TBC1D5: variants seen among roughly 807,000 people sequenced by gnomAD.
The protein encoded by TBC1D5 is TBC1 domain family, member 5.
In TBC1D5, 75 loss-of-function variants were observed where a neutral mutation model predicts 100.3. The observed-to-expected ratio is 0.75, with a 90% CI of 0.62 to 0.91. TBC1D5 has a LOEUF of 0.91. Among genes scored for constraint, TBC1D5 ranks in the 40% least tolerant of loss-of-function variants. TBC1D5 has a pLI of 0.00. For synonymous variants in TBC1D5, 323 were observed against 325.6 expected (o/e 0.99, Z 0.09); for missense variants, 910 against 942.4 (o/e 0.97, Z 0.45).
At chr3:17,711,721 A>G (rs1184455642) in intron 1 of TBC1D5, among the ~76,000 whole-genome samples, 1 of 152,228 alleles carries the variant, frequency 6.6e-6, no homozygotes, top group Non-Finnish European at 1.5e-5. Flanking sequence ...GCACTGCTAT[A>G]TAACATTGCA....
chr3:17,200,632 T>C lies in TBC1D5; in HGVS notation c.1752+13575A>G, dbSNP rs529027581. ...AAGAGGTTGGGGACTGCTGCTATAG[T>C]TGGTAACAATTCTAAGGGAAATTGT... On this transcript the variant is annotated intron_variant, in intron 18 of 21. Coordinates refer to ENST00000253692, the Ensembl canonical transcript of TBC1D5. 3.4e-3 allele frequency among the ~76,000 whole-genome samples: 520 copies of C among 152,350 alleles called. 4 individuals are homozygous for C. Among genetic ancestry groups the C allele is most frequent in the African/African-American group, 0.011 (472 of 41,588 alleles).
intron 2 of TBC1D5, among the ~76,000 whole-genome samples, chr3:17,509,825 A>G (rs115745784): frequency 0.011 from 1,702 of 152,166 alleles, 31 homozygotes; most frequent in African/African-American, 0.038. Flanking sequence ...GTTTTTATAA[A>G]TAACTACCTA....
intron 1 of TBC1D5, among the ~76,000 whole-genome samples, chr3:17,626,045 A>T (rs929631193): frequency 6.6e-6 from 1 of 152,170 alleles, no homozygotes; most frequent in Admixed American, 6.5e-5. Flanking sequence ...CCAGATATAT[A>T]GCATTATGTG....
chr3:17,696,314 G>A (rs778043221), intron 1 of TBC1D5, among the ~76,000 whole-genome samples: 2 of 152,040 alleles, frequency 1.3e-5, no homozygotes, highest in Non-Finnish European at 2.9e-5. Context: ...TCCAAGAGCT[G>A]GTTTTTTGAA....
intron 3 of TBC1D5, among the ~76,000 whole-genome samples, chr3:17,495,028 C>T (rs981295838): frequency 1.3e-5 from 2 of 152,226 alleles, no homozygotes; most frequent in African/African-American, 2.4e-5. Flanking sequence ...CCCCTTGCCC[C>T]GTGCGGCTCC....
intron 8 of TBC1D5, among the ~76,000 whole-genome samples, chr3:17,386,817 T>C (rs929062777): frequency 6.6e-6 from 1 of 152,100 alleles, no homozygotes; most frequent in South Asian, 2.1e-4. Context: ...TCGGCTGAAG[T>C]TTTTCTTTTA....
At chr3:17,573,931 T>C (rs910706144) in intron 2 of TBC1D5, among the ~76,000 whole-genome samples, 1 of 152,060 alleles carries the variant, frequency 6.6e-6, no homozygotes, top group Admixed American at 6.6e-5. Context: ...TTTAACTCTG[T>C]TGATCCAGTA....
intron 18 of TBC1D5, among the ~76,000 whole-genome samples, chr3:17,208,991 A>G (rs2072600905): frequency 6.6e-6 from 1 of 152,232 alleles, no homozygotes; most frequent in South Asian, 2.1e-4. Flanking sequence ...ATAGAGTGAA[A>G]TGGTCAATAC....
intron 4 of TBC1D5, 54 bp from the exon 5 acceptor site, chr3:17,406,580 G>A (rs777228995): frequency 1.6e-5 from 24 of 1,497,410 alleles, no homozygotes; most frequent in Non-Finnish European, 2.1e-5. Context: ...TCCTCTGCTT[G>A]GAGAGAAGTT....
At chr3:17,441,253 T>C (rs1269565123) in intron 3 of TBC1D5, among the ~76,000 whole-genome samples, 3 of 152,188 alleles carry the variant, frequency 2.0e-5, no homozygotes. Flanking sequence ...AGAAGTATTA[T>C]AGTGAACTAT....
At chr3:17,615,308 GCATC>G (rs1025555105) in intron 2 of TBC1D5, among the ~76,000 whole-genome samples, 1 of 152,128 alleles carries the variant, frequency 6.6e-6, no homozygotes, top group Non-Finnish European at 1.5e-5. Context: ...GAGGATTTTT[GCATC>G]GATGATCATC....
intron 1 of TBC1D5, among the ~76,000 whole-genome samples, chr3:17,703,742 A>C (rs1007785064): frequency 1.3e-5 from 2 of 152,140 alleles, no homozygotes; most frequent in Non-Finnish European, 2.9e-5. Flanking sequence ...CAATGACCTC[A>C]TACATATGAG....
chr3:17,419,626 A>T (rs2094161532), intron 4 of TBC1D5, among the ~76,000 whole-genome samples: 1 of 151,994 alleles, frequency 6.6e-6, no homozygotes, highest in Admixed American at 6.6e-5. Flanking sequence ...TTTCCTCCTA[A>T]CACCCACCAT....
intron 3 of TBC1D5, among the ~76,000 whole-genome samples, chr3:17,456,284 C>G (rs1463113126): frequency 6.6e-6 from 1 of 151,996 alleles, no homozygotes; most frequent in African/African-American, 2.4e-5. Flanking sequence ...GCAATCAAAC[C>G]AAAAATTGAC....
chr3:17,556,033 T>G (rs978255819), intron 2 of TBC1D5, among the ~76,000 whole-genome samples: 1 of 152,160 alleles, frequency 6.6e-6, no homozygotes, highest in Non-Finnish European at 1.5e-5. Context: ...TAGTTTGGTT[T>G]TTTTTTTGAG....
At chr3:17,512,311 T>G (rs966191297) in intron 2 of TBC1D5, among the ~76,000 whole-genome samples, 3 of 152,094 alleles carry the variant, frequency 2.0e-5, no homozygotes, top group Non-Finnish European at 4.4e-5. Context: ...AGAGATTTTA[T>G]TTAGTCTAAA....
chr3:17,665,954 A>G (rs2067213692), intron 1 of TBC1D5, among the ~76,000 whole-genome samples: 1 of 152,136 alleles, frequency 6.6e-6, no homozygotes, highest in Non-Finnish European at 1.5e-5. Flanking sequence ...TCCAACTAGA[A>G]AAGTTTCCAA....
chr3:17,241,161 C>T (rs1472192898), intron 16 of TBC1D5, among the ~76,000 whole-genome samples: 1 of 152,052 alleles, frequency 6.6e-6, no homozygotes, highest in East Asian at 1.9e-4. Flanking sequence ...CTGTCCAGAG[C>T]TTGTCTGTTT....
At chr3:17,590,154 G>A (rs572924926) in intron 2 of TBC1D5, among the ~76,000 whole-genome samples, 2 of 152,196 alleles carry the variant, frequency 1.3e-5, no homozygotes, top group Non-Finnish European at 2.9e-5. Context: ...CCATGAGGAA[G>A]TATGCTACAC....
Sources: gnomAD v4.1 joint callset for allele counts (sites outside exome capture counted in the v4.1 genomes callset) on GRCh38, gnomAD v4.1.1 for gene constraint, MANE v1.5 for transcripts, NCBI Gene and HGNC (gene_info 2026-07-23, HGNC 2026-07-21) for gene names.